The following TTLL8 variants were observed in gnomAD, a reference collection of about 807,000 sequenced individuals.
TTLL8 encodes tubulin tyrosine ligase like 8, also known as protein monoglycylase TTLL8.
TTLL8 carries 65 observed loss-of-function variants against 77.8 expected under a neutral mutation model. The ratio of observed to expected loss-of-function variants is 0.84; its 90% CI spans 0.68 to 1.03. TTLL8 has a LOEUF of 1.03. Among genes scored for constraint, TTLL8 ranks in the 50% least tolerant of loss-of-function variants. TTLL8 has a pLI of 0.00. For synonymous variants in TTLL8, 402 were observed against 422.8 expected (o/e 0.95, Z 0.60); for missense variants, 910 against 1,004.5 (o/e 0.91, Z 1.27).
At chr22:50,056,076 G>A (rs1342543775), upstream of TTLL8, among the ~76,000 whole-genome samples, 3 of 152,234 alleles carry the variant, frequency 2.0e-5, no homozygotes, top group South Asian at 2.1e-4. The surrounding 1 kb of genome is among the most constrained non-coding windows in gnomAD (Gnocchi z 4.1). Flanking sequence ...TCCCACCAGC[G>A]CCGTCTCAAA....
chr22:50,030,422 C>T lies in TTLL8; in HGVS notation c.2203+8G>A, dbSNP rs768597622. ...AGCCCACAGCGCACCGCCGGCGGCGCAGGTTACCTTTTCCTCCGGGCGGCG... is the reference window on the plus strand; with the variant it reads ...AGCCCACAGCGCACCGCCGGCGGCGTAGGTTACCTTTTCCTCCGGGCGGCG... On this transcript the variant is annotated splice_region_variant and intron_variant, in intron 12 of 13. Transcript: ENST00000266182. 4 of 1,316,922 alleles carry T rather than the reference C, an allele frequency of 3.0e-6. No individual in the cohort carries two copies. The highest frequency in any genetic ancestry group is 4.0e-6 in the Non-Finnish European group (4 of 1,006,968). The allele number at this position is 1,316,922 out of a possible 1,614,324, so 81.6% of individuals were successfully genotyped here. A position where few individuals can be genotyped will look rare whatever the true frequency, so the allele number is the denominator to read the frequency against.
At chr22:50,033,202 C>T in exon 10 of TTLL8, 1 of 1,347,480 alleles carries the variant, frequency 7.4e-7, no homozygotes. Flanking sequence ...CCGCACTGAC[C>T]TGTCCAGCTT....
intron 1 of TTLL8, among the ~76,000 whole-genome samples, chr22:50,051,940 G>A (rs2061445432): frequency 6.6e-6 from 1 of 152,146 alleles, no homozygotes; most frequent in Admixed American, 6.5e-5. Flanking sequence ...GCTCAAAGAA[G>A]ACCATGCCCA....
chr22:50,018,825 C>T (rs1213354277), intron 12 of TTLL8, among the ~76,000 whole-genome samples, 34 bp from the exon 14 acceptor site: 6 of 152,208 alleles, frequency 3.9e-5, no homozygotes, highest in Admixed American at 3.9e-4. Flanking sequence ...ACCAAAAGCT[C>T]ATCCGAACGT....
chr22:50,032,205 C>T (rs929173343), intron 10 of TTLL8, 96 bp from the exon 12 acceptor site: 4 of 1,239,204 alleles, frequency 3.2e-6, no homozygotes, highest in African/African-American at 1.6e-5. Context: ...ACCCAGCTGG[C>T]TCTAGAGAAC....
rs775027121 is a variant in TTLL8 at position 50,047,217 on chromosome 22, T to C, written c.344A>G (p.Tyr115Cys). 4.4e-6 allele frequency: 6 copies of C among 1,367,616 alleles called. No homozygotes were observed. The South Asian group carries it at 5.7e-5, about 13-fold the overall frequency. The allele number at this position is 1,367,616 out of a possible 1,614,324, so 84.7% of individuals were successfully genotyped here. The change falls in exon 4 of 14, where the codon TAC becomes TGC. Residue 115 changes from tyrosine to cysteine, a missense_variant. Coordinates refer to ENST00000266182, the Ensembl canonical transcript of TTLL8. The stretch of plus-strand genomic sequence containing the variant: ...TGCGTAGTGGTTCAGCATCTGGTCG[T>C]AGGTCAGGCTGTGATAGTCAATGAT...
At chr22:50,055,050 A>G, upstream of TTLL8, 1 of 751,212 alleles carries the variant, frequency 1.3e-6, no homozygotes. Context: ...ACAAAGCAAG[A>G]CTTCATCTCA....
At chr22:50,049,805 T>C (rs1244204004) in intron 2 of TTLL8, among the ~76,000 whole-genome samples, 1 of 151,892 alleles carries the variant, frequency 6.6e-6, no homozygotes, top group Non-Finnish European at 1.5e-5. Context: ...GACCTGGGGC[T>C]GGAGGAGGGA....
intron 3 of TTLL8, among the ~76,000 whole-genome samples, chr22:50,048,466 G>A (rs1453093094): frequency 6.6e-6 from 1 of 152,108 alleles, no homozygotes; most frequent in African/African-American, 2.4e-5. Flanking sequence ...CGTCCATGAA[G>A]CAGGACACTC....
chr22:50,022,904 C>A (rs2146625806), intron 12 of TTLL8, among the ~76,000 whole-genome samples: 1 of 152,358 alleles, frequency 6.6e-6, no homozygotes, highest in African/African-American at 2.4e-5. Flanking sequence ...TGTCCATGTA[C>A]AAAATCAGGG....
intron 12 of TTLL8, among the ~76,000 whole-genome samples, chr22:50,028,710 AC>A (rs760185646): frequency 4.1e-5 from 1 of 24,468 alleles, no homozygotes; most frequent in African/African-American, 1.1e-4. Context: ...CATCCTGAAG[AC>A]CCCACACACC....
In TTLL8 at chr22:50,041,822, C is replaced by T. The variant is rs1243625719; in HGVS notation, c.644-15G>A. 1 of 1,354,406 alleles carries T rather than the reference C, an allele frequency of 7.4e-7. No homozygotes were observed. Among genetic ancestry groups the T allele is most frequent in the East Asian group, 4.6e-5 (1 of 21,608 alleles). The allele number at this position is 1,354,406 out of a possible 1,614,324, so 83.9% of individuals were successfully genotyped here. ...ATTTTCAGCATCTGAAACCCAGACA[C>T]AGGCACATGCAGTGGGAACCTCACC... On this transcript the variant is annotated splice_polypyrimidine_tract_variant and intron_variant, in intron 6 of 13. Coordinates refer to ENST00000266182, the Ensembl canonical transcript of TTLL8. This position sits in a 1 kb window ranked among gnomAD's most constrained non-coding sequence, Gnocchi z 4.3.
intron 12 of TTLL8, chr22:50,027,713 C>T: frequency 1.0e-6 from 1 of 985,438 alleles, no homozygotes; most frequent in Non-Finnish European, 1.2e-6. Context: ...CCTTTTGCAG[C>T]ACAGGCTCTG....
At chr22:50,023,786 C>T (rs1224333421) in intron 12 of TTLL8, among the ~76,000 whole-genome samples, 3 of 152,120 alleles carry the variant, frequency 2.0e-5, no homozygotes, top group South Asian at 2.1e-4. Flanking sequence ...TTTGGGAGGC[C>T]GAGGTGGGCA....
At chr22:50,027,978 C>T (rs73183332) in intron 12 of TTLL8, among the ~76,000 whole-genome samples, 5,818 of 152,344 alleles carry the variant, frequency 0.038, 304 homozygotes, top group East Asian at 0.26. Context: ...AAGTGAGAGG[C>T]GCCTCAGACA....
chr22:50,050,111 T>C (rs1426326508), exon 2 of TTLL8: 2 of 1,366,834 alleles, frequency 1.5e-6, no homozygotes, highest in Non-Finnish European at 2.0e-6. Flanking sequence ...TACGCTACCA[T>C]TGACCCGGGC....
At chr22:50,037,208 CT>C (rs71649334) in intron 8 of TTLL8, among the ~76,000 whole-genome samples, 71,077 of 146,954 alleles carry the variant, frequency 0.48, 17,403 homozygotes, top group Non-Finnish European at 0.56. Flanking sequence ...GTCGTTTTAA[CT>C]TTTTTTTTTT....
At chr22:50,022,583 C>T (rs1423705378) in intron 12 of TTLL8, among the ~76,000 whole-genome samples, 2 of 152,024 alleles carry the variant, frequency 1.3e-5, no homozygotes, top group African/African-American at 4.8e-5. Context: ...GTGCACGCCT[C>T]CATTTGACAA....
At chr22:50,019,870 A>G (rs999715929) in intron 12 of TTLL8, among the ~76,000 whole-genome samples, 6 of 152,268 alleles carry the variant, frequency 3.9e-5, no homozygotes, top group African/African-American at 1.4e-4. Context: ...TGTTACATGC[A>G]CTGGTTAAAA....
Sources: allele counts gnomAD v4.1 joint callset (sites outside exome capture counted in the v4.1 genomes callset), GRCh38; gene constraint gnomAD v4.1.1; non-coding constraint Gnocchi (gnomAD v3.1); transcripts MANE v1.5; gene names NCBI Gene and HGNC (gene_info 2026-07-23, HGNC 2026-07-21).